Variants in CHST9 observed in about 807,000 individuals in gnomAD.
CHST9 encodes the protein GalNAc-4-sulfotransferase 2.
In CHST9, 41 loss-of-function variants were observed where a neutral mutation model predicts 44.4. The ratio of observed to expected loss-of-function variants is 0.92; its 90% CI spans 0.72 to 1.20. The LOEUF (loss-of-function observed/expected upper bound fraction) is 1.20. CHST9 is among the 50% of genes most tolerant of loss of function. The pLI, the probability that CHST9 is intolerant of heterozygous loss-of-function variation, is 0.00. For synonymous variants in CHST9, 171 were observed against 178.4 expected, an observed-to-expected ratio of 0.96 and a Z score of 0.33; for missense variants, 504 against 516.5, an observed-to-expected ratio of 0.98 and a Z score of 0.23.
intron 4 of CHST9, among the ~76,000 whole-genome samples, chr18:27,006,328 AGGGTAT>A (rs1293368892): frequency 6.6e-6 from 1 of 152,114 alleles, no homozygotes; most frequent in African/African-American, 2.4e-5. Context: ...GGGTGTGGAG[AGGGTAT>A]GCTATATTCA....
chr18:27,146,352 T>C (rs979230505), intron 1 of CHST9, among the ~76,000 whole-genome samples: 1 of 152,162 alleles, frequency 6.6e-6, no homozygotes, highest in Non-Finnish European at 1.5e-5. Flanking sequence ...TGGAGAGATA[T>C]GTTTGATTTT....
intron 2 of CHST9, among the ~76,000 whole-genome samples, chr18:27,052,147 G>C (rs2057574100): frequency 6.6e-6 from 1 of 151,916 alleles, no homozygotes. Context: ...ATTGTAGAGT[G>C]CTATATAAAT....
intron 4 of CHST9, among the ~76,000 whole-genome samples, chr18:27,020,108 T>C (rs2057206621): frequency 6.6e-6 from 1 of 152,154 alleles, no homozygotes; most frequent in Non-Finnish European, 1.5e-5. Flanking sequence ...GGCATGACAC[T>C]AGGAGATTAA....
At chr18:27,082,794 C>T (rs1260878148) in intron 2 of CHST9, among the ~76,000 whole-genome samples, 2 of 152,136 alleles carry the variant, frequency 1.3e-5, no homozygotes, top group East Asian at 1.9e-4. Flanking sequence ...GCCTTTGATA[C>T]GTCCAGCTGA....
intron 4 of CHST9, among the ~76,000 whole-genome samples, chr18:26,981,652 A>AAAT (rs1252073173): frequency 2.6e-5 from 4 of 152,172 alleles, no homozygotes; most frequent in African/African-American, 9.7e-5. Context: ...TTCTGTGGGT[A>AAAT]ATTATCCCAC....
chr18:27,094,084 T>C (rs1486110787), intron 2 of CHST9, among the ~76,000 whole-genome samples: 3 of 152,208 alleles, frequency 2.0e-5, no homozygotes, highest in Admixed American at 6.5e-5. Flanking sequence ...AAGTATGTGA[T>C]GGAAACTAAT....
chr18:27,030,265 A>G (rs1443916540), intron 3 of CHST9, among the ~76,000 whole-genome samples: 1 of 152,214 alleles, frequency 6.6e-6, no homozygotes. Context: ...TTTGAAAAAT[A>G]GCTGTTTAGT....
chr18:26,960,025 A>C (rs904647423), intron 4 of CHST9, among the ~76,000 whole-genome samples: 1 of 152,236 alleles, frequency 6.6e-6, no homozygotes, highest in Non-Finnish European at 1.5e-5. Flanking sequence ...GATGCTATTA[A>C]TGCAAAGGTA....
rs188997470 is a variant in CHST9 at position 26,974,045 on chromosome 18, G to A, written c.203-29679C>T. 3.3e-5 allele frequency among the ~76,000 whole-genome samples: 5 copies of A among 152,122 alleles called. No individual in the cohort carries two copies. In the East Asian group the frequency reaches 7.7e-4, roughly 24 times the overall value. Reference sequence around the variant, plus strand: ...ATGTTTTTAATCAAGCCACCATCTGGGCCATACATTTTGGTGACTCCATTT... The same window carrying A: ...ATGTTTTTAATCAAGCCACCATCTGAGCCATACATTTTGGTGACTCCATTT... On this transcript the variant is annotated intron_variant, in intron 4 of 5. Coordinates refer to ENST00000618847, the MANE Select transcript of CHST9 (RefSeq NM_031422.6).
chr18:27,040,760 T>C (rs1224440189), intron 3 of CHST9, among the ~76,000 whole-genome samples: 2 of 152,172 alleles, frequency 1.3e-5, no homozygotes, highest in Non-Finnish European at 2.9e-5. Flanking sequence ...AAGTATATCA[T>C]TTACAGTTGA....
chr18:27,083,081 A>G (rs2057976302), intron 2 of CHST9, among the ~76,000 whole-genome samples: 1 of 152,186 alleles, frequency 6.6e-6, no homozygotes, highest in Admixed American at 6.6e-5. Context: ...AGCCGTAAGG[A>G]AAGGTAATAC....
chr18:27,011,131 G>T (rs1009580286), intron 4 of CHST9, among the ~76,000 whole-genome samples: 1 of 152,106 alleles, frequency 6.6e-6, no homozygotes, highest in Admixed American at 6.5e-5. Flanking sequence ...GGTCTTTTTG[G>T]GTAATTAGTG....
At chr18:26,977,528 G>A (rs1379743411) in intron 4 of CHST9, among the ~76,000 whole-genome samples, 1 of 152,090 alleles carries the variant, frequency 6.6e-6, no homozygotes, top group Non-Finnish European at 1.5e-5. Context: ...AAAATACTAT[G>A]GGAGAAATCA....
chr18:27,180,464 C>T (rs2058903101), intron 1 of CHST9, among the ~76,000 whole-genome samples: 1 of 151,970 alleles, frequency 6.6e-6, no homozygotes, highest in South Asian at 2.1e-4. Context: ...CAGTCTGGTC[C>T]ACGATGACTA....
intron 4 of CHST9, among the ~76,000 whole-genome samples, chr18:27,022,740 G>C (rs1361104418): frequency 6.6e-6 from 1 of 152,138 alleles, no homozygotes. Context: ...CGTGATAACT[G>C]TTACTGAATA....
chr18:27,093,039 G>C lies in CHST9; in HGVS notation c.122-44536C>G, dbSNP rs533892028. ...TTCTATTCCAGACCCTGTTTGTCTG[G>C]GTATCACCAGTGCAGGCTGCAGAAC... On this transcript the variant is annotated intron_variant, in intron 2 of 5. Coordinates refer to ENST00000618847, the MANE Select transcript of CHST9 (RefSeq NM_031422.6). Among the ~76,000 whole-genome samples the C allele has an allele frequency of 5.3e-5, 8 of 152,206 alleles. No homozygotes were observed. In the South Asian group the frequency reaches 1.5e-3, roughly 28 times the overall value.
intron 1 of CHST9, among the ~76,000 whole-genome samples, chr18:27,173,542 G>GA (rs1412401452): frequency 6.6e-6 from 1 of 151,688 alleles, no homozygotes. Context: ...CTGGAAAAAT[G>GA]AAAAAAATTA....
chr18:27,082,606 A>G (rs2057971345), intron 2 of CHST9, among the ~76,000 whole-genome samples: 1 of 152,232 alleles, frequency 6.6e-6, no homozygotes, highest in Non-Finnish European at 1.5e-5. Context: ...ACTGGGATTA[A>G]TTTATCAAAC....
At chr18:27,053,160 A>G (rs528653112) in intron 2 of CHST9, among the ~76,000 whole-genome samples, 49 of 144,702 alleles carry the variant, frequency 3.4e-4, no homozygotes, top group Non-Finnish European at 6.6e-4. Flanking sequence ...AAGAAGAAGA[A>G]GAAGAAGAAG....
Sources: allele counts gnomAD v4.1 joint callset (sites outside exome capture counted in the v4.1 genomes callset), GRCh38; gene constraint gnomAD v4.1.1; transcripts MANE v1.5; gene names NCBI Gene and HGNC (gene_info 2026-07-23, HGNC 2026-07-21).